ACOT13: variants seen among roughly 807,000 people sequenced by gnomAD.
The protein encoded by ACOT13 is acyl-coenzyme A thioesterase 13.
Under a neutral mutation model 11.8 loss-of-function variants are expected in ACOT13, and 10 were observed. The observed-to-expected ratio is 0.85, with a 90% CI of 0.53 to 1.44. The LOEUF is 1.44. Ranked by LOEUF, ACOT13 falls within the 40% of genes most tolerant of loss-of-function variation. The probability of loss-of-function intolerance (pLI) is 0.00; values close to 1 mark genes in which losing one functional copy is unlikely to be tolerated. For synonymous variants in ACOT13, 53 were observed against 61.0 expected, an observed-to-expected ratio of 0.87 and a Z score of 0.61; for missense variants, 172 against 174.1, an observed-to-expected ratio of 0.99 and a Z score of 0.07.
chr6:24,674,614 C>T (rs1413982703), intron 1 of ACOT13, among the ~76,000 whole-genome samples: 1 of 151,762 alleles, frequency 6.6e-6, no homozygotes, highest in African/African-American at 2.4e-5. Flanking sequence ...CAGGGTTTCA[C>T]CATGTTGGCC....
At chr6:24,701,414 C>T (rs766439141) in intron 2 of ACOT13, 45 bp from the exon 3 acceptor site, 4 of 1,558,988 alleles carry the variant, frequency 2.6e-6, no homozygotes, top group Non-Finnish European at 3.5e-6. Context: ...ACAACTTTCC[C>T]TTTGAAAAAT....
At chr6:24,680,283 G>T (rs956954907) in intron 1 of ACOT13, among the ~76,000 whole-genome samples, 2 of 152,186 alleles carry the variant, frequency 1.3e-5, no homozygotes, top group African/African-American at 4.8e-5. Flanking sequence ...TCTCCCCCTT[G>T]AAGAGGATAT....
intron 1 of ACOT13, among the ~76,000 whole-genome samples, chr6:24,685,889 T>C (rs1479738530): frequency 6.6e-6 from 1 of 152,082 alleles, no homozygotes; most frequent in Non-Finnish European, 1.5e-5. Context: ...AAGCATTGAC[T>C]TAGAACAAAG....
chr6:24,670,598 C>CT (rs1252880522), intron 1 of ACOT13, among the ~76,000 whole-genome samples: 9 of 152,218 alleles, frequency 5.9e-5, no homozygotes, highest in Admixed American at 4.6e-4. Context: ...AAAACAGATT[C>CT]TTACTGCACT....
In ACOT13 at chr6:24,702,174, G is replaced by C. The variant is rs994699460; in HGVS notation, c.*559G>C. Reference sequence around the variant, plus strand: ...TGCCCAGGCTGGAGTACAGCAGCACGATCTCGGCTCACTGCAATCTCTGCC... The same window carrying C: ...TGCCCAGGCTGGAGTACAGCAGCACCATCTCGGCTCACTGCAATCTCTGCC... On this transcript the variant is annotated 3_prime_UTR_variant, in exon 3 of 3. Transcript: ENST00000230048. 2.0e-5 allele frequency: 3 copies of C among 152,592 alleles called. No individual in the cohort carries two copies. The highest frequency in any genetic ancestry group is 4.4e-5 in the Non-Finnish European group (3 of 68,388). The allele number at this position is 152,592 out of a possible 1,614,324, so 9.5% of individuals were successfully genotyped here.
chr6:24,701,735 AG>A lies in ACOT13; in HGVS notation c.*122del. 9.1e-7 allele frequency: 1 copy of A among 1,093,166 alleles called. No individual in the cohort carries two copies. The highest frequency in any genetic ancestry group is 1.3e-6 in the Non-Finnish European group (1 of 789,248). 67.7% of individuals were successfully genotyped at this position (1,093,166 alleles called of 1,614,324 possible). A position where few individuals can be genotyped will look rare whatever the true frequency, so the allele number is the denominator to read the frequency against. On this transcript the variant is annotated 3_prime_UTR_variant, in exon 3 of 3. Transcript: ENST00000230048. ...CAGAAGCAGCTAGAAATATTCTTGG[AG>A]GAAAAGGACCTGGATATCAAGTAGG...
chr6:24,671,398 TG>T (rs1045544248), intron 1 of ACOT13, among the ~76,000 whole-genome samples: 44 of 142,112 alleles, frequency 3.1e-4, no homozygotes, highest in African/African-American at 1.1e-3. Context: ...CACTCATAGT[TG>T]GGAATTGAAC....
chr6:24,667,224 C>T lies in ACOT13; in HGVS notation c.-40C>T, dbSNP rs1223210460. On this transcript the variant is annotated 5_prime_UTR_variant, in exon 1 of 3. Coordinates refer to ENST00000230048, the MANE Select transcript of ACOT13 (RefSeq NM_018473.4). The stretch of plus-strand genomic sequence containing the variant: ...TGGACTTTCCAGCTCTTCCGAAGTT[C>T]GTTCTTGCGCAAAGCCCAAAGGCTG... 3.8e-6 allele frequency: 6 copies of T among 1,597,242 alleles called. No homozygotes were observed. The highest frequency in any genetic ancestry group is 3.3e-4 in the Middle Eastern group (2 of 6,038).
In ACOT13 at chr6:24,667,136, T is replaced by A; in HGVS notation, c.-128T>A. ...TCGCCTGACTCCCGGCCTCTTGCGC[T>A]CCTAGGGGCGGAGAAGGGTGCGGGC... On this transcript the variant is annotated 5_prime_UTR_variant, in exon 1 of 3. Transcript: ENST00000230048. The A allele has an allele frequency of 9.8e-7, 1 of 1,021,534 alleles. No individual in the cohort carries two copies. The highest frequency in any genetic ancestry group is 1.4e-6 in the Non-Finnish European group (1 of 697,016). The allele number at this position is 1,021,534 out of a possible 1,614,324, so 63.3% of individuals were successfully genotyped here. A position where few individuals can be genotyped will look rare whatever the true frequency, so the allele number is the denominator to read the frequency against.
chr6:24,696,375 T>A (rs1055692925), intron 1 of ACOT13, among the ~76,000 whole-genome samples: 2 of 152,182 alleles, frequency 1.3e-5, no homozygotes, highest in African/African-American at 4.8e-5. Flanking sequence ...TCTTGGGTGA[T>A]CTTGAAAATA....
chr6:24,680,527 C>T (rs957852894), intron 1 of ACOT13, among the ~76,000 whole-genome samples: 15 of 152,062 alleles, frequency 9.9e-5, no homozygotes, highest in Admixed American at 2.0e-4. Flanking sequence ...TTCCAGGGTG[C>T]GTAACCACCC....
chr6:24,688,674 T>A (rs979530240), intron 1 of ACOT13, among the ~76,000 whole-genome samples: 1 of 152,146 alleles, frequency 6.6e-6, no homozygotes, highest in Non-Finnish European at 1.5e-5. Flanking sequence ...TAAAAATGAC[T>A]TACTAACAGG....
chr6:24,674,463 C>T (rs960186706), intron 1 of ACOT13, among the ~76,000 whole-genome samples: 2 of 152,126 alleles, frequency 1.3e-5, no homozygotes, highest in Non-Finnish European at 2.9e-5. Flanking sequence ...GGCTGGAGTG[C>T]AGTTGCGTGA....
chr6:24,696,077 AAAAC>A (rs1778790807), intron 1 of ACOT13, among the ~76,000 whole-genome samples: 1 of 151,946 alleles, frequency 6.6e-6, no homozygotes, highest in South Asian at 2.1e-4. Flanking sequence ...AACAAACAAA[AAAAC>A]AAAAAACAAA....
chr6:24,671,852 A>G (rs1272920925), intron 1 of ACOT13, among the ~76,000 whole-genome samples: 1 of 152,230 alleles, frequency 6.6e-6, no homozygotes, highest in African/African-American at 2.4e-5. Context: ...ATTATTACTG[A>G]TAATGTACAC....
At chr6:24,694,816 C>A (rs913888357) in intron 1 of ACOT13, among the ~76,000 whole-genome samples, 6 of 152,186 alleles carry the variant, frequency 3.9e-5, no homozygotes, top group African/African-American at 1.2e-4. Flanking sequence ...GTAAAAAATT[C>A]TCTCTATTCC....
At chr6:24,687,132 T>C (rs760955339) in intron 1 of ACOT13, among the ~76,000 whole-genome samples, 2 of 152,212 alleles carry the variant, frequency 1.3e-5, no homozygotes, top group African/African-American at 2.4e-5. Flanking sequence ...TGTTTTGCAA[T>C]GATTACCACT....
intron 1 of ACOT13, among the ~76,000 whole-genome samples, chr6:24,696,541 C>T (rs952917192): frequency 6.2e-4 from 95 of 152,208 alleles, no homozygotes; most frequent in African/African-American, 2.1e-3. Context: ...TTGAGACATC[C>T]CCCTACTCCC....
chr6:24,667,455 G>A (rs1009681008), intron 1 of ACOT13, 111 bp downstream of exon 1: 37 of 955,024 alleles, frequency 3.9e-5, no homozygotes, highest in Non-Finnish European at 5.4e-5. Flanking sequence ...TTGTGTTCTA[G>A]TACGCCTGTA....
Sources: gnomAD v4.1 joint callset for allele counts (sites outside exome capture counted in the v4.1 genomes callset) on GRCh38, gnomAD v4.1.1 for gene constraint, MANE v1.5 for transcripts, NCBI Gene and HGNC (gene_info 2026-07-23, HGNC 2026-07-21) for gene names.